Variants in RANBP9 observed in about 807,000 individuals in gnomAD.
The protein encoded by RANBP9 is ran-binding protein 9.
Under a neutral mutation model 84.3 loss-of-function variants are expected in RANBP9, and 15 were observed. The ratio of observed to expected loss-of-function variants is 0.18; its 90% CI spans 0.12 to 0.27. The LOEUF is 0.27. RANBP9 is among the 10% of genes least tolerant of loss of function. RANBP9 has a pLI of 1.00. For synonymous variants in RANBP9, 392 were observed against 349.6 expected, an observed-to-expected ratio of 1.12 and a Z score of -1.35; for missense variants, 809 against 912.8, an observed-to-expected ratio of 0.89 and a Z score of 1.46.
intron 2 of RANBP9, among the ~76,000 whole-genome samples, chr6:13,681,424 G>A (rs1766034974): frequency 6.6e-6 from 1 of 151,982 alleles, no homozygotes; most frequent in Non-Finnish European, 1.5e-5. Context: ...CATTTTAAGT[G>A]CAAAAAACCC....
intron 5 of RANBP9, among the ~76,000 whole-genome samples, chr6:13,646,188 T>C (rs2127766697): frequency 6.6e-6 from 1 of 152,214 alleles, no homozygotes; most frequent in Admixed American, 6.5e-5. Flanking sequence ...GGCAGGTAGA[T>C]CACCTCAGGT....
chr6:13,699,611 C>G (rs1222145546), intron 1 of RANBP9, among the ~76,000 whole-genome samples: 1 of 152,142 alleles, frequency 6.6e-6, no homozygotes, highest in Non-Finnish European at 1.5e-5. Context: ...GCCTGTAATT[C>G]CAGCACTTTG....
chr6:13,710,042 C>T lies in RANBP9; in HGVS notation c.571+893G>A, dbSNP rs149735173. ...ACTTGATACATGCTATTAAATTGGG[C>T]TACATTTCAATAGTTCCCATAGCAA... On this transcript the variant is annotated intron_variant, in intron 1 of 13. Coordinates refer to ENST00000011619, the MANE Select transcript of RANBP9 (RefSeq NM_005493.3). Among the ~76,000 whole-genome samples the T allele has an allele frequency of 1.9e-3, 288 of 152,160 alleles. 2 individuals are homozygous for T. Among genetic ancestry groups the T allele is most frequent in the African/African-American group, 6.7e-3 (279 of 41,496 alleles).
chr6:13,704,139 C>T (rs1021443080), intron 1 of RANBP9, among the ~76,000 whole-genome samples: 1 of 152,190 alleles, frequency 6.6e-6, no homozygotes, highest in African/African-American at 2.4e-5. Flanking sequence ...GAGGTCAATT[C>T]TAACATGGTC....
Position 13,711,489 on chromosome 6 carries a change from G to A in RANBP9, c.17C>T (p.Pro6Leu), listed in dbSNP as rs776574688. 17 of 1,248,462 alleles carry A rather than the reference G, an allele frequency of 1.4e-5. No homozygotes were observed. The East Asian group carries it at 5.0e-4, about 37-fold the overall frequency. The allele number at this position is 1,248,462 out of a possible 1,614,324, so 77.3% of individuals were successfully genotyped here. Reference sequence around the variant, plus strand: ...TTGCTGCTGCTGCGGCGGCGGCGGCGGCGGCTGCCCGGACATCCCGGCCGC... The same window carrying A: ...TTGCTGCTGCTGCGGCGGCGGCGGCAGCGGCTGCCCGGACATCCCGGCCGC... MSGQPPPPPPQQQQQQ... is the reference protein window; with the variant it reads MSGQPLPPPPQQQQQQ... Residue 6 changes from proline to leucine, a missense_variant, in exon 1 of 14, where the codon CCG becomes CTG. Physicochemically the swap from Pro to Leu is moderately conservative, Grantham distance 98 (BLOSUM62 -3). This residue lies in a region of RANBP9 where 302 missense variants were observed against 240.1 expected (regional missense o/e 1.26). Transcript: ENST00000011619.
intron 2 of RANBP9, among the ~76,000 whole-genome samples, chr6:13,689,155 GCAAA>G (rs1181649105): frequency 6.6e-6 from 1 of 151,700 alleles, no homozygotes; most frequent in Non-Finnish European, 1.5e-5. Flanking sequence ...AGACTCTGCT[GCAAA>G]CAAAAACAAA....
intron 2 of RANBP9, among the ~76,000 whole-genome samples, chr6:13,662,152 T>C (rs1023976893): frequency 3.3e-5 from 5 of 151,952 alleles, no homozygotes; most frequent in Non-Finnish European, 5.9e-5. Context: ...AATGACAAAA[T>C]ATATCACTAA....
At chr6:13,709,385 C>G (rs550214933) in intron 1 of RANBP9, among the ~76,000 whole-genome samples, 1 of 152,330 alleles carries the variant, frequency 6.6e-6, no homozygotes, top group Non-Finnish European at 1.5e-5. Flanking sequence ...TTCATCTACA[C>G]TGGCTCTGAC....
chr6:13,653,681 CTATT>C (rs1765341685), intron 4 of RANBP9, among the ~76,000 whole-genome samples: 1 of 151,992 alleles, frequency 6.6e-6, no homozygotes, highest in African/African-American at 2.4e-5. Flanking sequence ...ACATCTAACT[CTATT>C]TATTAATAAA....
At chr6:13,684,573 T>G (rs1419237947) in intron 2 of RANBP9, among the ~76,000 whole-genome samples, 1 of 152,230 alleles carries the variant, frequency 6.6e-6, no homozygotes, top group Non-Finnish European at 1.5e-5. Context: ...TGTAAGTATG[T>G]AAACCGCTGT....
rs953696350 is a variant in RANBP9, at chr6:13,634,615, A to G, written c.1674-63T>C. The G allele has an allele frequency of 2.5e-4, 368 of 1,460,334 alleles. 2 individuals carry two copies. The highest frequency in any genetic ancestry group is 9.7e-5 in the Non-Finnish European group (104 of 1,069,598). 90.5% of individuals were successfully genotyped at this position (1,460,334 alleles called of 1,614,324 possible). On this transcript the variant is annotated intron_variant, in intron 10 of 13. Transcript: ENST00000011619. ...ATACTTGCAGCTTAGTTTAAAATAA[A>G]TCACTACTGAACTACATAGCCTACG...
chr6:13,649,296 C>A (rs1765240546), intron 5 of RANBP9, among the ~76,000 whole-genome samples: 1 of 151,946 alleles, frequency 6.6e-6, no homozygotes, highest in Non-Finnish European at 1.5e-5. Context: ...CATTGGCTAC[C>A]TGAGGGAAAA....
intron 10 of RANBP9, 65 bp from the exon 11 acceptor site, chr6:13,634,617 C>T (rs1764890031): frequency 1.4e-6 from 2 of 1,418,966 alleles, no homozygotes; most frequent in South Asian, 1.3e-5. Context: ...TAAAATAAAT[C>T]ACTACTGAAC....
intron 2 of RANBP9, among the ~76,000 whole-genome samples, chr6:13,664,707 GA>G (rs1425056693): frequency 6.6e-6 from 1 of 152,036 alleles, no homozygotes; most frequent in Non-Finnish European, 1.5e-5. Flanking sequence ...ACAATTATAT[GA>G]ATGTATTATC....
intron 1 of RANBP9, among the ~76,000 whole-genome samples, chr6:13,699,821 C>T (rs886367965): frequency 2.0e-5 from 3 of 152,080 alleles, no homozygotes; most frequent in African/African-American, 7.2e-5. Context: ...GACAGCGCCA[C>T]TACACTCCAG....
intron 1 of RANBP9, among the ~76,000 whole-genome samples, chr6:13,709,727 A>G (rs1252990546): frequency 6.6e-6 from 1 of 152,210 alleles, no homozygotes; most frequent in Non-Finnish European, 1.5e-5. Flanking sequence ...TTGCAGCCAA[A>G]TCATTTGGTA....
At chr6:13,706,173 T>C (rs907845203) in intron 1 of RANBP9, among the ~76,000 whole-genome samples, 1 of 151,178 alleles carries the variant, frequency 6.6e-6, no homozygotes, top group Admixed American at 6.6e-5. Flanking sequence ...TGAAACCCTA[T>C]CTCTACTAAA....
At chr6:13,626,162 C>G (rs1197568455) in intron 12 of RANBP9, among the ~76,000 whole-genome samples, 2 of 152,102 alleles carry the variant, frequency 1.3e-5, no homozygotes, top group African/African-American at 4.8e-5. Context: ...TTCCTTTTTT[C>G]AACAGATTTA....
chr6:13,704,173 AT>A (rs1347102469), intron 1 of RANBP9, among the ~76,000 whole-genome samples: 2 of 152,202 alleles, frequency 1.3e-5, no homozygotes, highest in Non-Finnish European at 2.9e-5. Flanking sequence ...TTCTAAATGA[AT>A]TTACTATTCC....
Sources: allele counts gnomAD v4.1 joint callset (sites outside exome capture counted in the v4.1 genomes callset), GRCh38; gene constraint gnomAD v4.1.1; regional missense constraint gnomAD v4.1.1; transcripts MANE v1.5; gene names NCBI Gene and HGNC (gene_info 2026-07-23, HGNC 2026-07-21).